Variants in AGBL4 observed in about 807,000 individuals in gnomAD.
AGBL4 encodes the protein cytosolic carboxypeptidase 6.
In AGBL4, 58 loss-of-function variants were observed where a neutral mutation model predicts 66.4. That is an observed-to-expected ratio of 0.87 (90% CI 0.71 to 1.09). AGBL4 has a LOEUF of 1.09. Ranked by LOEUF, AGBL4 falls within the 50% of genes least tolerant of loss-of-function variation. AGBL4 has a pLI of 0.00. For synonymous variants in AGBL4, 234 were observed against 222.9 expected (o/e 1.05, Z -0.44); for missense variants, 579 against 631.0 (o/e 0.92, Z 0.88).
intron 5 of AGBL4, among the ~76,000 whole-genome samples, chr1:48,902,642 T>C (rs551043305): frequency 4.6e-5 from 7 of 152,242 alleles, no homozygotes; most frequent in Non-Finnish European, 7.4e-5. Context: ...AGCCCTCATC[T>C]CCTTTTTCAC....
At chr1:48,721,454 T>C (rs979440356) in intron 6 of AGBL4, among the ~76,000 whole-genome samples, 2 of 152,178 alleles carry the variant, frequency 1.3e-5, no homozygotes, top group African/African-American at 4.8e-5. Context: ...CTGTGTGGCT[T>C]CTCTGATGGC....
At chr1:48,750,141 T>C (rs1651452065) in intron 6 of AGBL4, among the ~76,000 whole-genome samples, 1 of 152,182 alleles carries the variant, frequency 6.6e-6, no homozygotes, top group African/African-American at 2.4e-5. Context: ...CCATATGGGA[T>C]TCATCTTTGC....
intron 6 of AGBL4, among the ~76,000 whole-genome samples, chr1:48,717,082 T>TAGTGC (rs1217327776): frequency 6.6e-6 from 1 of 152,234 alleles, no homozygotes; most frequent in East Asian, 1.9e-4. Context: ...CAGGCGCGGA[T>TAGTGC]AGTGCAGTGC....
chr1:49,339,395 T>C (rs987716507), intron 3 of AGBL4, among the ~76,000 whole-genome samples: 3 of 152,212 alleles, frequency 2.0e-5, no homozygotes, highest in African/African-American at 7.2e-5. Context: ...TTTTCGTGGA[T>C]GGTGGACAGT....
At chr1:49,535,067 C>T (rs1651461426) in intron 3 of AGBL4, among the ~76,000 whole-genome samples, 1 of 152,072 alleles carries the variant, frequency 6.6e-6, no homozygotes, top group Non-Finnish European at 1.5e-5. Context: ...ACTTTGTCTT[C>T]AATATTGACA....
chr1:48,712,717 G>A (rs530849768), intron 6 of AGBL4, among the ~76,000 whole-genome samples: 20 of 152,280 alleles, frequency 1.3e-4, no homozygotes, highest in African/African-American at 3.6e-4. Context: ...CACCAGGCAC[G>A]TTCTGGGGAT....
At chr1:49,270,984 A>G (rs563588347) in intron 3 of AGBL4, among the ~76,000 whole-genome samples, 2 of 152,324 alleles carry the variant, frequency 1.3e-5, no homozygotes, top group South Asian at 4.1e-4. Context: ...TGAAAGCTCA[A>G]ACTGCCAGCT....
In AGBL4 at chr1:49,085,174, CTG is replaced by C. The variant is rs552111732; in HGVS notation, c.378-39376_378-39375del. On this transcript the variant is annotated intron_variant, in intron 4 of 13. Transcript: ENST00000371839. ...ACAAAAAAGCAGGAGAGCAAATTTG[CTG>C]TCTCTGCCTGAGCTGAAACATCCAT... 1.6e-3 allele frequency among the ~76,000 whole-genome samples: 239 copies of C among 152,198 alleles called. 4 individuals carry two copies. Among genetic ancestry groups the C allele is most frequent in the African/African-American group, 5.6e-3 (232 of 41,530 alleles).
At chr1:49,439,105 G>C (rs879196144) in intron 3 of AGBL4, among the ~76,000 whole-genome samples, 1 of 152,224 alleles carries the variant, frequency 6.6e-6, no homozygotes, top group Non-Finnish European at 1.5e-5. Context: ...ACCAGTGCAG[G>C]TTGATGAGCA....
At chr1:48,530,774 T>C (rs923054403), downstream of AGBL4, among the ~76,000 whole-genome samples, 16 of 152,218 alleles carry the variant, frequency 1.1e-4, no homozygotes, top group African/African-American at 2.9e-4. Context: ...AGACCTGTCA[T>C]GATCCCTCTC....
At chr1:49,176,640 T>C (rs1276713710) in intron 4 of AGBL4, among the ~76,000 whole-genome samples, 1 of 152,182 alleles carries the variant, frequency 6.6e-6, no homozygotes, top group Non-Finnish European at 1.5e-5. Context: ...ACATGGACTT[T>C]GCGCAAACTG....
At chr1:48,776,479 A>C in intron 6 of AGBL4, 1 of 692,330 alleles carries the variant, frequency 1.4e-6, no homozygotes, top group Non-Finnish European at 2.2e-6. Flanking sequence ...TGCCCAGAGG[A>C]CGGGAGAAGG....
At position 49,821,729 on chromosome 1, in the gene AGBL4, G is replaced by A. The variant is rs761075633; in HGVS notation, c.157+29667C>T. Among the ~76,000 whole-genome samples the A allele has an allele frequency of 3.3e-5, 5 of 152,220 alleles. No homozygotes were observed. In the Middle Eastern group the frequency reaches 0.01, roughly 311 times the overall value. On this transcript the variant is annotated intron_variant, in intron 2 of 13. Transcript: ENST00000371839. ...AGCTGCATTGCTTTACTGTGATTAC[G>A]AAATTGTTGTTGACTTAGTTGGAAA...
intron 4 of AGBL4, among the ~76,000 whole-genome samples, chr1:49,046,397 A>C (rs1644081810): frequency 6.6e-6 from 1 of 152,206 alleles, no homozygotes; most frequent in South Asian, 2.1e-4. Flanking sequence ...ACATTTCTCT[A>C]AATTATTACT....
chr1:48,746,716 G>A (rs571806055), intron 6 of AGBL4, among the ~76,000 whole-genome samples: 1 of 152,288 alleles, frequency 6.6e-6, no homozygotes, highest in African/African-American at 2.4e-5. Flanking sequence ...TTTGAAGTCA[G>A]GTCATCTTAC....
intron 5 of AGBL4, among the ~76,000 whole-genome samples, chr1:49,004,402 C>T (rs913719223): frequency 6.6e-6 from 1 of 152,172 alleles, no homozygotes; most frequent in Non-Finnish European, 1.5e-5. Context: ...GAGCACCAGC[C>T]TGAATGGGCT....
chr1:49,093,591 T>C (rs1197500644), intron 4 of AGBL4, among the ~76,000 whole-genome samples: 2 of 152,200 alleles, frequency 1.3e-5, no homozygotes, highest in Non-Finnish European at 2.9e-5. Context: ...AAAATTATGT[T>C]CACATTGTGT....
chr1:49,638,548 T>C (rs946729982), intron 3 of AGBL4, among the ~76,000 whole-genome samples: 2 of 152,172 alleles, frequency 1.3e-5, no homozygotes, highest in African/African-American at 2.4e-5. Flanking sequence ...ATAATCCCCA[T>C]GTGTCATGGG....
intron 5 of AGBL4, among the ~76,000 whole-genome samples, chr1:48,917,567 A>T (rs1653694904): frequency 6.6e-6 from 1 of 152,230 alleles, no homozygotes; most frequent in African/African-American, 2.4e-5. Context: ...CTTTTGCCTA[A>T]AAGAACACTG....
Sources: gnomAD v4.1 joint callset for allele counts (sites outside exome capture counted in the v4.1 genomes callset) on GRCh38, gnomAD v4.1.1 for gene constraint, MANE v1.5 for transcripts, NCBI Gene and HGNC (gene_info 2026-07-23, HGNC 2026-07-21) for gene names.